RCAN2: variants seen among roughly 807,000 people sequenced by gnomAD.
RCAN2 encodes the protein regulator of calcineurin 2, also known as calcipressin-2.
Under a neutral mutation model 23.6 loss-of-function variants are expected in RCAN2, and 9 were observed. The ratio of observed to expected loss-of-function variants is 0.38; its 90% CI spans 0.23 to 0.67. The LOEUF is 0.67. RCAN2 is among the 30% of genes least tolerant of loss of function. The pLI, the probability that RCAN2 is intolerant of heterozygous loss-of-function variation, is 0.51. For synonymous variants in RCAN2, 109 were observed against 115.7 expected (o/e 0.94, Z 0.37); for missense variants, 273 against 302.3 (o/e 0.90, Z 0.72).
At chr6:46,415,537 AGAAC>A (rs1428168389) in intron 2 of RCAN2, among the ~76,000 whole-genome samples, 1 of 152,174 alleles carries the variant, frequency 6.6e-6, no homozygotes, top group Non-Finnish European at 1.5e-5. Context: ...AGGTGAAGTG[AGAAC>A]CATTTGCATA....
chr6:46,236,492 C>A (rs537555167), intron 4 of RCAN2, among the ~76,000 whole-genome samples: 1 of 151,122 alleles, frequency 6.6e-6, no homozygotes, highest in South Asian at 2.1e-4. Flanking sequence ...AATTATATCA[C>A]CTTTGATATT....
rs569640098 is a variant in RCAN2, at chr6:46,312,900, G to A, written c.226-64004C>T. 1.9e-3 allele frequency among the ~76,000 whole-genome samples: 282 copies of A among 152,280 alleles called. 1 individual carries two copies. Among genetic ancestry groups the A allele is most frequent in the Admixed American group, 4.8e-3 (74 of 15,294 alleles). ...TAGTGCAGTCACAGTTCACACTCCA[G>A]CCAGAGTGGACTTCCAGTCAGACTA... On this transcript the variant is annotated intron_variant, in intron 2 of 4. Transcript: ENST00000371374.
intron 2 of RCAN2, among the ~76,000 whole-genome samples, chr6:46,435,790 G>A (rs1160196642): frequency 2.0e-5 from 3 of 152,198 alleles, no homozygotes; most frequent in Admixed American, 6.5e-5. Context: ...AAACTTCTAA[G>A]GATGCTGTAC....
chr6:46,354,673 A>G (rs1837898), intron 2 of RCAN2, among the ~76,000 whole-genome samples: 64,136 of 152,132 alleles, frequency 0.42, 14,970 homozygotes, highest in East Asian at 0.6. Flanking sequence ...TAGCAAAGTG[A>G]GGCCAATGTA....
intron 2 of RCAN2, among the ~76,000 whole-genome samples, chr6:46,283,930 C>G (rs1762285667): frequency 6.6e-6 from 1 of 152,182 alleles, no homozygotes; most frequent in African/African-American, 2.4e-5. Flanking sequence ...ATTTTTAACA[C>G]TCCACAAACC....
chr6:46,336,714 A>G (rs1165203112), intron 2 of RCAN2, among the ~76,000 whole-genome samples: 6 of 152,200 alleles, frequency 3.9e-5, no homozygotes, highest in Non-Finnish European at 4.4e-5. Flanking sequence ...AAGTTCTTGA[A>G]AAGAGTGGTG....
intron 2 of RCAN2, among the ~76,000 whole-genome samples, chr6:46,290,250 C>T (rs1025990131): frequency 5.3e-5 from 8 of 152,042 alleles, no homozygotes; most frequent in African/African-American, 1.7e-4. Flanking sequence ...TAAGAATATG[C>T]AGGAAAAACA....
intron 2 of RCAN2, among the ~76,000 whole-genome samples, chr6:46,436,894 C>A (rs535927834): frequency 6.6e-6 from 1 of 152,100 alleles, no homozygotes; most frequent in African/African-American, 2.4e-5. Context: ...AAAACAGAAC[C>A]AACCCCTCCA....
chr6:46,343,375 A>ATTTTTTT lies in RCAN2; in HGVS notation c.226-94486_226-94480dup, dbSNP rs3084618. ...AATGGTATAGCCACTTGGGAAAACA[A>ATTTTTTT]TTTTTTTTTTTTTTTTTTGAGACAG... is the stretch of plus-strand genomic sequence containing the variant. On this transcript the variant is annotated intron_variant, in intron 2 of 4. Coordinates refer to ENST00000371374, the MANE Select transcript of RCAN2 (RefSeq NM_001251974.2). Among the ~76,000 whole-genome samples the ATTTTTTT allele has an allele frequency of 3.4e-4, 46 of 135,656 alleles. 1 individual carries two copies. Among genetic ancestry groups the ATTTTTTT allele is most frequent in the Non-Finnish European group, 5.0e-4 (32 of 63,930 alleles). 89.0% of individuals were successfully genotyped at this position (135,656 alleles called of 152,430 possible).
At chr6:46,229,193 G>T (rs556057056) in intron 4 of RCAN2, among the ~76,000 whole-genome samples, 1 of 152,122 alleles carries the variant, frequency 6.6e-6, no homozygotes, top group African/African-American at 2.4e-5. Context: ...CTTTCTTGCT[G>T]CCCTTAACAT....
At chr6:46,415,608 G>A (rs536522499) in intron 2 of RCAN2, among the ~76,000 whole-genome samples, 2 of 152,196 alleles carry the variant, frequency 1.3e-5, no homozygotes, top group Admixed American at 6.5e-5. Context: ...TTTGAGGGCT[G>A]GGCAGAGGAA....
intron 2 of RCAN2, among the ~76,000 whole-genome samples, chr6:46,262,232 CA>C (rs1020285311): frequency 6.6e-6 from 1 of 151,962 alleles, no homozygotes; most frequent in Non-Finnish European, 1.5e-5. Context: ...GTTGCTTAAG[CA>C]GGCAACCTAA....
intron 1 of RCAN2, among the ~76,000 whole-genome samples, chr6:46,483,925 C>A (rs534671748): frequency 1.3e-5 from 2 of 152,276 alleles, no homozygotes; most frequent in Non-Finnish European, 2.9e-5. Flanking sequence ...TTTGTTTGAA[C>A]CACCATTAAT....
At chr6:46,296,831 C>T (rs1582077744) in intron 2 of RCAN2, among the ~76,000 whole-genome samples, 1 of 152,058 alleles carries the variant, frequency 6.6e-6, no homozygotes, top group African/African-American at 2.4e-5. Flanking sequence ...TTATGCAATA[C>T]GTTAAAAAAA....
chr6:46,310,628 T>C (rs1260687327), intron 2 of RCAN2, among the ~76,000 whole-genome samples: 2 of 152,146 alleles, frequency 1.3e-5, no homozygotes, highest in African/African-American at 4.8e-5. Context: ...TATTTCTCCA[T>C]AGTACTGGCA....
intron 2 of RCAN2, among the ~76,000 whole-genome samples, chr6:46,426,749 A>G (rs184767379): frequency 6.6e-6 from 1 of 152,360 alleles, no homozygotes; most frequent in East Asian, 1.9e-4. Context: ...TCAGGTGTTC[A>G]ATAAAACTGT....
intron 2 of RCAN2, among the ~76,000 whole-genome samples, chr6:46,357,099 G>A (rs1410005755): frequency 6.6e-6 from 1 of 152,192 alleles, no homozygotes; most frequent in Non-Finnish European, 1.5e-5. Context: ...GGAGCAGGCT[G>A]CCATATCAGG....
At chr6:46,288,752 T>C (rs1008261861) in intron 2 of RCAN2, among the ~76,000 whole-genome samples, 2 of 152,266 alleles carry the variant, frequency 1.3e-5, no homozygotes, top group African/African-American at 4.8e-5. Flanking sequence ...CCCTTAGCTT[T>C]GTCTCTTTCT....
intron 2 of RCAN2, among the ~76,000 whole-genome samples, chr6:46,384,680 T>C (rs1003007740): frequency 1.3e-5 from 2 of 152,228 alleles, no homozygotes; most frequent in Non-Finnish European, 2.9e-5. Flanking sequence ...AAATAGGACA[T>C]ATTGTATGAT....
Sources: gnomAD v4.1 joint callset for allele counts (sites outside exome capture counted in the v4.1 genomes callset) on GRCh38, gnomAD v4.1.1 for gene constraint, MANE v1.5 for transcripts, NCBI Gene and HGNC (gene_info 2026-07-23, HGNC 2026-07-21) for gene names.